Variants in TNIK observed in about 807,000 individuals in gnomAD.
TNIK encodes the protein TRAF2 and NCK interacting kinase, also known as TRAF2 and NCK-interacting protein kinase.
TNIK carries 49 observed loss-of-function variants against 191.3 expected under a neutral mutation model. The ratio of observed to expected loss-of-function variants is 0.26; its 90% confidence interval spans 0.20 to 0.32. The LOEUF (loss-of-function observed/expected upper bound fraction) is 0.32. Among genes scored for constraint, TNIK ranks in the 10% least tolerant of loss-of-function variants. The pLI is 1.00. For missense variants in TNIK, 1,155 were observed against 1,702.3 expected, an observed-to-expected ratio of 0.68 and a Z score of 5.66; for synonymous variants, 594 against 600.9, an observed-to-expected ratio of 0.99 and a Z score of 0.17.
chr3:171,460,216 C>G lies in TNIK; in HGVS notation c.-153G>C. 1 of 956,202 alleles carries G rather than the reference C, an allele frequency of 1.0e-6. No individual in the cohort carries two copies. 59.2% of individuals were successfully genotyped at this position (956,202 alleles called of 1,614,324 possible). ...CCCGCCCACCCCAGCCCCACAGCGC[C>G]GGATCCCGATCCTCCGCGCGTCGGT... On this transcript the variant is annotated 5_prime_UTR_variant, in exon 1 of 33. Coordinates refer to ENST00000436636, the MANE Select transcript of TNIK (RefSeq NM_015028.4). This position sits in a 1 kb window ranked among gnomAD's most constrained non-coding sequence, Gnocchi z 6.8.
At chr3:171,346,079 C>T (rs1228091487) in intron 2 of TNIK, among the ~76,000 whole-genome samples, 1 of 152,034 alleles carries the variant, frequency 6.6e-6, no homozygotes, top group Non-Finnish European at 1.5e-5. Context: ...AATAAAATGA[C>T]ATTTGAGTAG....
At chr3:171,154,101 A>C (rs1015565727) in intron 12 of TNIK, among the ~76,000 whole-genome samples, 1 of 152,112 alleles carries the variant, frequency 6.6e-6, no homozygotes, top group Non-Finnish European at 1.5e-5. Context: ...TCATGCTTAA[A>C]AACAACAACA....
chr3:171,263,022 G>A (rs1747838368), intron 2 of TNIK, among the ~76,000 whole-genome samples: 1 of 152,140 alleles, frequency 6.6e-6, no homozygotes, highest in Non-Finnish European at 1.5e-5. Context: ...AACTTATAAA[G>A]CCATATTGAC....
chr3:171,123,730 T>C (rs1168711280), intron 17 of TNIK, 28 bp from the exon 18 acceptor site: 2 of 1,536,980 alleles, frequency 1.3e-6, no homozygotes, highest in African/African-American at 1.4e-5. Context: ...TCAGAAATAT[T>C]TTCCATAAAG....
intron 2 of TNIK, among the ~76,000 whole-genome samples, chr3:171,318,532 T>A (rs1754870175): frequency 6.6e-6 from 1 of 152,168 alleles, no homozygotes; most frequent in Non-Finnish European, 1.5e-5. Context: ...ATTGTAAACC[T>A]GTTTAAACCT....
intron 2 of TNIK, among the ~76,000 whole-genome samples, chr3:171,234,689 T>C (rs1744051076): frequency 6.6e-6 from 1 of 152,128 alleles, no homozygotes; most frequent in Non-Finnish European, 1.5e-5. Context: ...TAAATCAAAA[T>C]GGATGCTTAA....
At chr3:171,170,011 T>C (rs886789531) in intron 9 of TNIK, among the ~76,000 whole-genome samples, 1 of 152,250 alleles carries the variant, frequency 6.6e-6, no homozygotes, top group South Asian at 2.1e-4. Context: ...TATGCTTAAT[T>C]ACACACTTAT....
At chr3:171,092,043 G>A (rs907984578) in intron 23 of TNIK, among the ~76,000 whole-genome samples, 1 of 151,204 alleles carries the variant, frequency 6.6e-6, no homozygotes, top group South Asian at 2.1e-4. Flanking sequence ...TCTGCCTCCC[G>A]GGTTCACGCC....
intron 2 of TNIK, among the ~76,000 whole-genome samples, chr3:171,358,313 CA>C (rs1289902829): frequency 5.9e-5 from 9 of 152,188 alleles, no homozygotes; most frequent in African/African-American, 2.2e-4. Context: ...CACAGTTCCA[CA>C]TGGCCGGGGA....
At chr3:171,459,944 C>T in intron 1 of TNIK, 63 bp downstream of exon 1, 3 of 1,501,702 alleles carry the variant, frequency 2.0e-6, no homozygotes, top group Non-Finnish European at 2.7e-6. Context: ...CCCCAGTCCA[C>T]GCACCGAGCC....
intron 2 of TNIK, among the ~76,000 whole-genome samples, chr3:171,322,154 A>G (rs774538743): frequency 3.9e-5 from 6 of 152,226 alleles, no homozygotes; most frequent in Non-Finnish European, 5.9e-5. Flanking sequence ...ATGCTCTCAT[A>G]GAGAAGGGAT....
chr3:171,107,299 G>A (rs759549970), intron 20 of TNIK, 93 bp from the exon 21 acceptor site: 220 of 1,146,472 alleles, frequency 1.9e-4, no homozygotes, highest in Non-Finnish European at 2.7e-4. Context: ...GTAATTGTTA[G>A]TACGCAACTG....
At chr3:171,147,537 T>G (rs1259128474) in intron 12 of TNIK, among the ~76,000 whole-genome samples, 1 of 152,172 alleles carries the variant, frequency 6.6e-6, no homozygotes, top group Non-Finnish European at 1.5e-5. Flanking sequence ...TTCCAAACCT[T>G]TTTTTATGTA....
chr3:171,083,723 G>A (rs1006136401), intron 26 of TNIK, among the ~76,000 whole-genome samples: 6 of 150,232 alleles, frequency 4.0e-5, no homozygotes, highest in African/African-American at 1.5e-4. Flanking sequence ...TTGAAATAAA[G>A]GTTTATGCCA....
chr3:171,129,705 A>T (rs1424186152), intron 15 of TNIK, among the ~76,000 whole-genome samples: 1 of 152,182 alleles, frequency 6.6e-6, no homozygotes, highest in African/African-American at 2.4e-5. Context: ...CCCAAAGCAG[A>T]TAACAGATCC....
chr3:171,394,067 T>C (rs1407348396), intron 1 of TNIK, among the ~76,000 whole-genome samples: 2 of 152,228 alleles, frequency 1.3e-5, no homozygotes, highest in Non-Finnish European at 2.9e-5. Flanking sequence ...ACAGCCATCT[T>C]TTCCCTTGAA....
At chr3:171,175,933 G>A (rs751762355) in intron 8 of TNIK, among the ~76,000 whole-genome samples, 12 of 152,130 alleles carry the variant, frequency 7.9e-5, no homozygotes, top group Non-Finnish European at 1.5e-4. Context: ...AAGCCCAGAG[G>A]ATTAAGTCAC....
At chr3:171,336,566 T>C (rs542545532) in intron 2 of TNIK, among the ~76,000 whole-genome samples, 6 of 152,294 alleles carry the variant, frequency 3.9e-5, no homozygotes, top group South Asian at 2.1e-4. Flanking sequence ...ACAAAGACCA[T>C]AGTCCCCTCG....
intron 2 of TNIK, among the ~76,000 whole-genome samples, chr3:171,361,322 A>T (rs1182149326): frequency 1.3e-5 from 2 of 152,210 alleles, no homozygotes; most frequent in Non-Finnish European, 2.9e-5. Context: ...AAGAAATCCC[A>T]CACAGTCCCT....
Sources: gnomAD v4.1 joint callset for allele counts (sites outside exome capture counted in the v4.1 genomes callset) on GRCh38, gnomAD v4.1.1 for gene constraint, Gnocchi (gnomAD v3.1) non-coding constraint, MANE v1.5 for transcripts, NCBI Gene and HGNC (gene_info 2026-07-23, HGNC 2026-07-21) for gene names.